ARHGAP10: variants seen among roughly 807,000 people sequenced by gnomAD.
The protein encoded by ARHGAP10 is rho GTPase-activating protein 10.
In ARHGAP10, 87 loss-of-function variants were observed where a neutral mutation model predicts 108.6. The ratio of observed to expected loss-of-function variants is 0.80; its 90% CI spans 0.67 to 0.96. The LOEUF (loss-of-function observed/expected upper bound fraction) is 0.96. Among genes scored for constraint, ARHGAP10 ranks in the 40% least tolerant of loss-of-function variants. The pLI is 0.00. For missense variants in ARHGAP10, 939 were observed against 954.5 expected (o/e 0.98, Z 0.21); for synonymous variants, 347 against 341.1 (o/e 1.02, Z -0.19).
At chr4:147,988,202 C>G (rs550191643) in intron 18 of ARHGAP10, among the ~76,000 whole-genome samples, 1 of 152,240 alleles carries the variant, frequency 6.6e-6, no homozygotes, top group Non-Finnish European at 1.5e-5. Flanking sequence ...TAGGTAGAAA[C>G]TGGCTCTTTG....
chr4:148,003,463 A>C (rs191476860), intron 18 of ARHGAP10, among the ~76,000 whole-genome samples: 1 of 151,960 alleles, frequency 6.6e-6, no homozygotes, highest in Admixed American at 6.6e-5. Context: ...TAATTCCTGG[A>C]TATCCTTAAC....
intron 10 of ARHGAP10, among the ~76,000 whole-genome samples, chr4:147,902,568 C>T (rs1015581647): frequency 7.9e-5 from 12 of 152,064 alleles, no homozygotes; most frequent in African/African-American, 2.9e-4. Context: ...TGGAGAAGCC[C>T]TGTCTCTACT....
At chr4:147,908,279 T>C (rs978638925) in intron 11 of ARHGAP10, among the ~76,000 whole-genome samples, 1 of 152,328 alleles carries the variant, frequency 6.6e-6, no homozygotes, top group East Asian at 1.9e-4. Flanking sequence ...CTCACTGGAA[T>C]GTATCGCCCC....
At chr4:147,787,246 A>T (rs539985833) in intron 1 of ARHGAP10, among the ~76,000 whole-genome samples, 1 of 151,844 alleles carries the variant, frequency 6.6e-6, no homozygotes, top group South Asian at 2.1e-4. Flanking sequence ...TTATTTATTT[A>T]TTTTTTCTTT....
At chr4:147,930,488 T>C (rs78072816) in intron 13 of ARHGAP10, among the ~76,000 whole-genome samples, 5,320 of 152,290 alleles carry the variant, frequency 0.035, 120 homozygotes, top group Middle Eastern at 0.071. Flanking sequence ...AGAAAGAACT[T>C]CTTGGCCTAT....
chr4:147,928,521 T>A (rs1737549201), intron 13 of ARHGAP10, among the ~76,000 whole-genome samples: 1 of 152,190 alleles, frequency 6.6e-6, no homozygotes, highest in African/African-American at 2.4e-5. Context: ...AAGGCGAACA[T>A]GCCAGTGAAA....
At position 147,822,819 on chromosome 4, in the gene ARHGAP10, A is replaced by G. The variant is rs369109767; in HGVS notation, c.247A>G (p.Ile83Val). ...TGCTGTGACAGATGATGAACGATGC[A>G]TAGGTAATTAAACATGATATTTTGG... Reference protein sequence around the residue: ...GDAVTDDERCIDASLREFSNF... With the variant: ...GDAVTDDERCVDASLREFSNF... Residue 83 changes from isoleucine to valine, a missense_variant, in exon 2 of 23, where the codon ATA (isoleucine) becomes GTA (valine). By Grantham distance (29) the Ile-to-Val change is conservative. Transcript: ENST00000336498. The G allele has an allele frequency of 7.0e-5, 113 of 1,614,058 alleles. 1 individual carries two copies. The highest frequency in any genetic ancestry group is 4.9e-4 in the African/African-American group (37 of 74,934).
chr4:147,940,326 G>A (rs376658870), intron 14 of ARHGAP10, among the ~76,000 whole-genome samples: 2 of 152,150 alleles, frequency 1.3e-5, no homozygotes, highest in South Asian at 2.1e-4. Flanking sequence ...GGATTCATTG[G>A]TATTCACAGT....
At chr4:147,803,689 C>T (rs1731668583) in intron 1 of ARHGAP10, among the ~76,000 whole-genome samples, 1 of 152,158 alleles carries the variant, frequency 6.6e-6, no homozygotes, top group South Asian at 2.1e-4. Flanking sequence ...TGATACTTGT[C>T]TTTCTGTGTG....
intron 1 of ARHGAP10, among the ~76,000 whole-genome samples, chr4:147,810,176 C>A (rs977208999): frequency 6.6e-6 from 1 of 152,178 alleles, no homozygotes. Flanking sequence ...CCATTACAGG[C>A]GAGAGATCAT....
chr4:147,873,443 T>TG (rs1370433767), intron 7 of ARHGAP10, among the ~76,000 whole-genome samples: 4 of 151,302 alleles, frequency 2.6e-5, no homozygotes, highest in African/African-American at 9.7e-5. Context: ...TATACACACA[T>TG]GGGGGGAAAT....
chr4:148,046,975 G>A lies in ARHGAP10; in HGVS notation c.1951G>A (p.Val651Ile). ...LSSPSPVTTA[V>I]PGPPGPDKNH... ...CTCCCCGTCTCCCGTGACTACAGCT[G>A]TCCCTGGGCCTCCTGGACCAGACAA... Residue 651 changes from valine to isoleucine, a missense_variant, in exon 20 of 23, where the codon GTC becomes ATC. Transcript: ENST00000336498. 6.2e-7 allele frequency: 1 copy of A among 1,614,128 alleles called. No individual in the cohort carries two copies. Among genetic ancestry groups the A allele is most frequent in the Non-Finnish European group, 8.5e-7 (1 of 1,179,990 alleles).
intron 20 of ARHGAP10, among the ~76,000 whole-genome samples, chr4:148,050,484 C>G (rs1262741885): frequency 6.6e-6 from 1 of 150,382 alleles, no homozygotes; most frequent in Admixed American, 6.7e-5. Context: ...CGCTATTCTC[C>G]TGCCTCAGCC....
intron 18 of ARHGAP10, among the ~76,000 whole-genome samples, chr4:148,018,375 A>G (rs900155094): frequency 2.0e-5 from 3 of 152,144 alleles, no homozygotes; most frequent in African/African-American, 7.2e-5. Flanking sequence ...GTTTGTGTAT[A>G]TATTATATAC....
At chr4:148,032,060 G>T (rs1728170644) in intron 19 of ARHGAP10, among the ~76,000 whole-genome samples, 1 of 152,026 alleles carries the variant, frequency 6.6e-6, no homozygotes, top group African/African-American at 2.4e-5. Flanking sequence ...AAATATATGA[G>T]ATTTTGCTGT....
intron 1 of ARHGAP10, among the ~76,000 whole-genome samples, chr4:147,815,855 G>A (rs1195299696): frequency 6.6e-6 from 1 of 152,194 alleles, no homozygotes; most frequent in African/African-American, 2.4e-5. Flanking sequence ...GACAGAGTGA[G>A]ACAGTCCTGC....
intron 1 of ARHGAP10, among the ~76,000 whole-genome samples, chr4:147,752,557 G>A (rs1229772954): frequency 6.8e-6 from 1 of 147,422 alleles, no homozygotes; most frequent in Non-Finnish European, 1.5e-5. Flanking sequence ...TTTTTTTTTG[G>A]TGACGGGGTC....
At chr4:147,914,034 C>T (rs767570326) in intron 13 of ARHGAP10, among the ~76,000 whole-genome samples, 1 of 152,024 alleles carries the variant, frequency 6.6e-6, no homozygotes, top group East Asian at 1.9e-4. Flanking sequence ...CATCTATAAT[C>T]GCGGCTACTC....
At chr4:148,001,692 A>T (rs1270403817) in intron 18 of ARHGAP10, among the ~76,000 whole-genome samples, 7 of 151,602 alleles carry the variant, frequency 4.6e-5, no homozygotes, top group Non-Finnish European at 7.4e-5. Flanking sequence ...ATGGGAGTTC[A>T]CTCATGATTT....
Sources: gnomAD v4.1 joint callset for allele counts (sites outside exome capture counted in the v4.1 genomes callset) on GRCh38, gnomAD v4.1.1 for gene constraint, MANE v1.5 for transcripts, NCBI Gene and HGNC (gene_info 2026-07-23, HGNC 2026-07-21) for gene names.